CNTNAP5: variants seen among roughly 807,000 people sequenced by gnomAD.
CNTNAP5 encodes the protein contactin associated protein family member 5.
CNTNAP5 carries 72 observed loss-of-function variants against 150.2 expected under a neutral mutation model. That is an observed-to-expected ratio of 0.48 (90% CI 0.40 to 0.58). The LOEUF is 0.58. Among genes scored for constraint, CNTNAP5 ranks in the 20% least tolerant of loss-of-function variants. The probability of loss-of-function intolerance (pLI) is 0.00; values close to 1 mark genes in which losing one functional copy is unlikely to be tolerated. For missense variants in CNTNAP5, 1,636 were observed against 1,626.2 expected (o/e 1.01, Z -0.10); for synonymous variants, 672 against 619.8 (o/e 1.08, Z -1.25).
At chr2:124,369,611 A>T in intron 3 of CNTNAP5, among the ~76,000 whole-genome samples, 1 of 152,162 alleles carries the variant, frequency 6.6e-6, no homozygotes, top group East Asian at 1.9e-4. Context: ...AACCTGTCAA[A>T]TTGTGATTTA....
chr2:124,499,346 C>A (rs534924746), intron 7 of CNTNAP5, among the ~76,000 whole-genome samples: 218 of 152,280 alleles, frequency 1.4e-3, no homozygotes, highest in African/African-American at 5.1e-3. Flanking sequence ...AGGTAGCACA[C>A]ACGACTGTAA....
At chr2:124,555,317 T>C (rs1695727342) in intron 10 of CNTNAP5, among the ~76,000 whole-genome samples, 1 of 152,198 alleles carries the variant, frequency 6.6e-6, no homozygotes, top group Non-Finnish European at 1.5e-5. Flanking sequence ...GGAAGACGTG[T>C]AATGTGCTAA....
chr2:124,626,336 C>T (rs745646879), intron 12 of CNTNAP5, among the ~76,000 whole-genome samples: 1 of 152,112 alleles, frequency 6.6e-6, no homozygotes, highest in Non-Finnish European at 1.5e-5. Context: ...GAGACGAATG[C>T]AGAACGTGGG....
chr2:124,591,016 A>C (rs1696667431), intron 11 of CNTNAP5, among the ~76,000 whole-genome samples: 1 of 152,200 alleles, frequency 6.6e-6, no homozygotes, highest in African/African-American at 2.4e-5. Context: ...ACACTGATCC[A>C]TCTGCTCTGT....
chr2:124,049,071 A>G (rs577518966), intron 1 of CNTNAP5, among the ~76,000 whole-genome samples: 1 of 152,238 alleles, frequency 6.6e-6, no homozygotes, highest in African/African-American at 2.4e-5. Flanking sequence ...ATCTCATCTC[A>G]CGACCCAGGC....
rs183015316 is a variant in CNTNAP5 at position 124,771,939 on chromosome 2, C to G, written c.2534-860C>G. Among the ~76,000 whole-genome samples the G allele has an allele frequency of 4.2e-3, 631 of 151,958 alleles. 7 individuals carry two copies. Among genetic ancestry groups the G allele is most frequent in the African/African-American group, 0.014 (591 of 41,454 alleles). On this transcript the variant is annotated intron_variant, in intron 16 of 23. Transcript: ENST00000682447. The stretch of plus-strand genomic sequence containing the variant: ...TTACCCCCCTCACCACCACCACTAT[C>G]ACCACAACCATTATCACCACCATTG...
intron 8 of CNTNAP5, 124 bp from the exon 9 acceptor site, chr2:124,524,179 G>A: frequency 3.6e-6 from 3 of 827,466 alleles, no homozygotes; most frequent in Non-Finnish European, 5.8e-6. Context: ...CTTGTATCCA[G>A]CCGAGTGAGG....
chr2:124,123,718 G>C (rs539281275), intron 1 of CNTNAP5, among the ~76,000 whole-genome samples: 3 of 152,224 alleles, frequency 2.0e-5, no homozygotes, highest in Non-Finnish European at 4.4e-5. Flanking sequence ...CCAGAAGGAC[G>C]ATCTGACAGC....
intron 1 of CNTNAP5, among the ~76,000 whole-genome samples, chr2:124,125,465 G>A (rs1683669037): frequency 6.6e-6 from 1 of 152,148 alleles, no homozygotes; most frequent in Non-Finnish European, 1.5e-5. Flanking sequence ...ATAACAATGG[G>A]AGACGTTAAC....
chr2:124,308,639 G>T (rs1407321103), intron 3 of CNTNAP5, among the ~76,000 whole-genome samples: 1 of 152,194 alleles, frequency 6.6e-6, no homozygotes, highest in Non-Finnish European at 1.5e-5. Context: ...CTGAATTGGG[G>T]AGAGAAAACT....
chr2:124,121,137 TACAC>T (rs3981152), intron 1 of CNTNAP5, among the ~76,000 whole-genome samples: 69 of 148,740 alleles, frequency 4.6e-4, no homozygotes, highest in African/African-American at 1.2e-3. Flanking sequence ...CTTATTGCCA[TACAC>T]ACACACACAC....
intron 1 of CNTNAP5, among the ~76,000 whole-genome samples, chr2:124,100,909 G>A (rs1683049018): frequency 6.6e-6 from 1 of 151,598 alleles, no homozygotes; most frequent in South Asian, 2.1e-4. Context: ...TTGATGTTTG[G>A]GAAACTGAGC....
At chr2:124,322,199 T>A (rs1039675959) in intron 3 of CNTNAP5, among the ~76,000 whole-genome samples, 4 of 139,014 alleles carry the variant, frequency 2.9e-5, no homozygotes, top group Non-Finnish European at 6.2e-5. Flanking sequence ...TAAAATAAAA[T>A]AAAATGCTTA....
chr2:124,719,456 G>T (rs555351068), intron 13 of CNTNAP5, among the ~76,000 whole-genome samples: 1 of 152,096 alleles, frequency 6.6e-6, no homozygotes, highest in African/African-American at 2.4e-5. Flanking sequence ...CAGCTGAACC[G>T]AGTAGTAAGT....
chr2:124,497,506 C>G (rs1357518321), intron 7 of CNTNAP5, among the ~76,000 whole-genome samples: 1 of 152,178 alleles, frequency 6.6e-6, no homozygotes, highest in Non-Finnish European at 1.5e-5. Context: ...TCTTTTCTTG[C>G]TAAGTTCTAA....
At chr2:124,611,123 C>T (rs990836463) in intron 12 of CNTNAP5, among the ~76,000 whole-genome samples, 16 of 152,158 alleles carry the variant, frequency 1.1e-4, no homozygotes, top group African/African-American at 3.9e-4. Context: ...GCTCATTGAG[C>T]CTTCAGGCCT....
At chr2:124,801,452 T>C (rs991612980) in intron 19 of CNTNAP5, among the ~76,000 whole-genome samples, 3 of 152,186 alleles carry the variant, frequency 2.0e-5, no homozygotes, top group Non-Finnish European at 4.4e-5. Flanking sequence ...ATAAAGTACC[T>C]TGAGTGGTAG....
At chr2:124,438,372 A>G (rs766746152) in intron 5 of CNTNAP5, among the ~76,000 whole-genome samples, 5 of 152,190 alleles carry the variant, frequency 3.3e-5, no homozygotes, top group Non-Finnish European at 7.4e-5. Context: ...AGAGAATCAA[A>G]GAGCAGAGAT....
At chr2:124,202,427 G>A (rs1685750302) in intron 1 of CNTNAP5, among the ~76,000 whole-genome samples, 1 of 152,192 alleles carries the variant, frequency 6.6e-6, no homozygotes, top group Non-Finnish European at 1.5e-5. Context: ...GATGTCTTTA[G>A]TAGTGTAATG....
Sources: gnomAD v4.1 joint callset for allele counts (sites outside exome capture counted in the v4.1 genomes callset) on GRCh38, gnomAD v4.1.1 for gene constraint, MANE v1.5 for transcripts, NCBI Gene and HGNC (gene_info 2026-07-23, HGNC 2026-07-21) for gene names.